PGM5: variants seen among roughly 807,000 people sequenced by gnomAD.
PGM5 encodes the protein phosphoglucomutase-like protein 5.
PGM5 carries 23 observed loss-of-function variants against 59.2 expected under a neutral mutation model. That is an observed-to-expected ratio of 0.39 (90% CI 0.28 to 0.55). The LOEUF is 0.55. Ranked by LOEUF, PGM5 falls within the 20% of genes least tolerant of loss-of-function variation. PGM5 has a pLI of 0.66. For synonymous variants in PGM5, 214 were observed against 286.0 expected (o/e 0.75, Z 2.54); for missense variants, 574 against 748.3 (o/e 0.77, Z 2.72).
At chr9:68,484,619 A>G (rs998935140) in intron 9 of PGM5, among the ~76,000 whole-genome samples, 1 of 151,636 alleles carries the variant, frequency 6.6e-6, no homozygotes, top group Non-Finnish European at 1.5e-5. Flanking sequence ...ACAAAAGAAC[A>G]TGGGTACTCT....
At chr9:68,485,093 G>A (rs1824273570) in intron 9 of PGM5, among the ~76,000 whole-genome samples, 2 of 152,154 alleles carry the variant, frequency 1.3e-5, no homozygotes, top group African/African-American at 4.8e-5. Context: ...CTTGCAAGAA[G>A]CTTGTCTGTT....
chr9:68,413,353 G>A (rs1169104592), intron 6 of PGM5, among the ~76,000 whole-genome samples: 18 of 151,762 alleles, frequency 1.2e-4, no homozygotes, highest in Non-Finnish European at 1.5e-5. Context: ...GACTCTCAAT[G>A]GAGGGAAATT....
At chr9:68,527,989 G>A (rs1825016303) in intron 10 of PGM5, among the ~76,000 whole-genome samples, 1 of 152,126 alleles carries the variant, frequency 6.6e-6, no homozygotes, top group African/African-American at 2.4e-5. Context: ...GGACACAATG[G>A]ATTGCTTGTG....
At chr9:68,471,994 G>A (rs910570604) in intron 7 of PGM5, among the ~76,000 whole-genome samples, 1 of 151,960 alleles carries the variant, frequency 6.6e-6, no homozygotes, top group South Asian at 2.1e-4. Context: ...AATGAGTTGG[G>A]ATGTATGAGT....
intron 9 of PGM5, 69 bp from the exon 10 acceptor site, chr9:68,499,158 C>T: frequency 6.6e-7 from 1 of 1,516,658 alleles, no homozygotes; most frequent in East Asian, 2.3e-5. Flanking sequence ...ATTTCTGTGG[C>T]AGGTATTAAT....
chr9:68,458,284 T>G (rs781904390), intron 6 of PGM5, among the ~76,000 whole-genome samples: 5 of 152,196 alleles, frequency 3.3e-5, no homozygotes, highest in African/African-American at 4.8e-5. Flanking sequence ...CTAACAAAAT[T>G]TAAGATCTAA....
Position 68,524,242 on chromosome 9 carries a change from C to G in PGM5, c.1615-5325C>G, listed in dbSNP as rs76294832. 2.4e-3 allele frequency among the ~76,000 whole-genome samples: 372 copies of G among 152,162 alleles called. 2 individuals carry two copies. Among genetic ancestry groups the G allele is most frequent in the African/African-American group, 8.5e-3 (354 of 41,520 alleles). ...TATCGTAGTGCAATTTTTAAAAAAT[C>G]AAAATCAATGTCCAAAAAATTCATG... On this transcript the variant is annotated intron_variant, in intron 10 of 10. Coordinates refer to ENST00000396396, the MANE Select transcript of PGM5 (RefSeq NM_021965.4).
chr9:68,381,615 A>G (rs1822072757), intron 2 of PGM5, among the ~76,000 whole-genome samples: 1 of 150,072 alleles, frequency 6.7e-6, no homozygotes, highest in South Asian at 2.1e-4. Context: ...TCCTATATAT[A>G]GAGAATTCTA....
chr9:68,401,038 G>A (rs1318482756), intron 6 of PGM5, among the ~76,000 whole-genome samples: 3 of 151,820 alleles, frequency 2.0e-5, no homozygotes, highest in Non-Finnish European at 4.4e-5. Context: ...GTAATTGTGT[G>A]TTTCTAAGAG....
intron 6 of PGM5, among the ~76,000 whole-genome samples, chr9:68,427,265 A>G (rs1417653413): frequency 1.3e-5 from 2 of 152,168 alleles, no homozygotes; most frequent in Non-Finnish European, 2.9e-5. Context: ...TGCTATGCCT[A>G]AATATTTTAA....
intron 10 of PGM5, among the ~76,000 whole-genome samples, chr9:68,516,340 G>A (rs1403393024): frequency 2.6e-5 from 4 of 152,158 alleles, no homozygotes; most frequent in African/African-American, 7.2e-5. Context: ...TTCCAGACTA[G>A]TAGAAGGTGT....
At chr9:68,449,281 G>A (rs1159123976) in intron 6 of PGM5, among the ~76,000 whole-genome samples, 1 of 152,142 alleles carries the variant, frequency 6.6e-6, no homozygotes, top group Non-Finnish European at 1.5e-5. Context: ...TATAGCCCTG[G>A]GGCTCTAGCT....
In PGM5 at chr9:68,413,636, A is replaced by G. The variant is rs1172330958; in HGVS notation, c.1043+21163A>G. 5.3e-5 allele frequency among the ~76,000 whole-genome samples: 8 copies of G among 152,354 alleles called. No individual in the cohort carries two copies. The East Asian group carries it at 1.5e-3, about 29-fold the overall frequency. ...AACTCAAAGAATTCAAAGCATTCTTATATCAGTGCATCTGTGATACTAATC... is the reference window on the plus strand; with the variant it reads ...AACTCAAAGAATTCAAAGCATTCTTGTATCAGTGCATCTGTGATACTAATC... On this transcript the variant is annotated intron_variant, in intron 6 of 10. Coordinates refer to ENST00000396396, the MANE Select transcript of PGM5 (RefSeq NM_021965.4).
intron 6 of PGM5, among the ~76,000 whole-genome samples, chr9:68,418,589 T>C (rs2132045486): frequency 6.6e-6 from 1 of 152,202 alleles, no homozygotes; most frequent in Admixed American, 6.5e-5. Flanking sequence ...CTGCAGCTGC[T>C]GCTGCAGCCT....
intron 1 of PGM5, among the ~76,000 whole-genome samples, chr9:68,365,838 G>A (rs1834669056): frequency 6.6e-6 from 1 of 152,088 alleles, no homozygotes; most frequent in African/African-American, 2.4e-5. Context: ...TATTCTACTT[G>A]ACCAAACACA....
chr9:68,397,443 G>C (rs1822540127), intron 6 of PGM5: 2 of 152,190 alleles, frequency 1.3e-5, no homozygotes, highest in Admixed American at 6.6e-5. Context: ...CAAGAAGCCA[G>C]ATCTAAAAAG....
intron 6 of PGM5, among the ~76,000 whole-genome samples, chr9:68,457,839 C>A (rs1823802548): frequency 6.6e-6 from 1 of 150,610 alleles, no homozygotes; most frequent in South Asian, 2.2e-4. Flanking sequence ...GTCTGTATAA[C>A]TTGGAAAATA....
At chr9:68,463,383 A>G (rs1306791433) in intron 6 of PGM5, among the ~76,000 whole-genome samples, 1 of 152,006 alleles carries the variant, frequency 6.6e-6, no homozygotes, top group Admixed American at 6.6e-5. Context: ...TTTCTCTTTC[A>G]GTTGCTAGCT....
intron 9 of PGM5, chr9:68,496,751 A>G (rs1554688180): frequency 6.6e-6 from 1 of 152,250 alleles, no homozygotes; most frequent in East Asian, 1.9e-4. Context: ...ATAGTTTGTT[A>G]TGACCTGAAT....
Sources: allele counts gnomAD v4.1 joint callset (sites outside exome capture counted in the v4.1 genomes callset), GRCh38; gene constraint gnomAD v4.1.1; transcripts MANE v1.5; gene names NCBI Gene and HGNC (gene_info 2026-07-23, HGNC 2026-07-21).